GRM7: variants seen among roughly 807,000 people sequenced by gnomAD.
GRM7 encodes the protein glutamate metabotropic receptor 7.
A neutral mutation model predicts 84.5 loss-of-function variants in GRM7; 35 were observed. The ratio of observed to expected loss-of-function variants is 0.41; its 90% CI spans 0.32 to 0.55. The LOEUF (loss-of-function observed/expected upper bound fraction) is 0.55, where lower values mean the gene tolerates loss of function less well. Among genes scored for constraint, GRM7 ranks in the 20% least tolerant of loss-of-function variants. The pLI is 0.19. For synonymous variants in GRM7, 487 were observed against 455.1 expected (o/e 1.07, Z -0.89); for missense variants, 1,003 against 1,194.6 (o/e 0.84, Z 2.36).
At chr3:7,291,737 T>C (rs1699635403) in intron 2 of GRM7, among the ~76,000 whole-genome samples, 1 of 152,132 alleles carries the variant, frequency 6.6e-6, no homozygotes, top group Non-Finnish European at 1.5e-5. Flanking sequence ...TGGGACTGGA[T>C]ACCTCACCAC....
intron 4 of GRM7, among the ~76,000 whole-genome samples, chr3:7,404,313 CT>C (rs1445113793): frequency 6.6e-6 from 1 of 152,144 alleles, no homozygotes; most frequent in East Asian, 1.9e-4. Flanking sequence ...TAAAGGCTGT[CT>C]TCTAAGAAAG....
chr3:7,296,315 G>T (rs1359857514), intron 2 of GRM7, among the ~76,000 whole-genome samples: 1 of 151,930 alleles, frequency 6.6e-6, no homozygotes, highest in African/African-American at 2.4e-5. Context: ...AAGAATATTT[G>T]CAAATATGTT....
At chr3:7,383,454 T>C (rs2125132150) in intron 4 of GRM7, among the ~76,000 whole-genome samples, 1 of 152,326 alleles carries the variant, frequency 6.6e-6, no homozygotes. Context: ...TTTCATGTTA[T>C]TAGGAAATAA....
chr3:7,673,432 A>G (rs760424955), intron 8 of GRM7, among the ~76,000 whole-genome samples: 1 of 151,812 alleles, frequency 6.6e-6, no homozygotes, highest in Non-Finnish European at 1.5e-5. Flanking sequence ...TCACCTTGCC[A>G]TTCAAAAGTT....
intron 1 of GRM7, among the ~76,000 whole-genome samples, chr3:7,014,308 T>C (rs1695487574): frequency 6.6e-6 from 1 of 152,124 alleles, no homozygotes; most frequent in Admixed American, 6.5e-5. Context: ...TCAGCAAAAT[T>C]AGTAATATTT....
intron 8 of GRM7, among the ~76,000 whole-genome samples, chr3:7,602,920 T>G (rs529746539): frequency 6.6e-6 from 1 of 152,182 alleles, no homozygotes; most frequent in South Asian, 2.1e-4. Flanking sequence ...ATGAGTTGAG[T>G]TGGTAAGTTA....
At chr3:7,635,011 T>C (rs939850748) in intron 8 of GRM7, among the ~76,000 whole-genome samples, 1 of 152,168 alleles carries the variant, frequency 6.6e-6, no homozygotes, top group Admixed American at 6.5e-5. Context: ...CCCGATAGAA[T>C]TTTCTGTAAT....
chr3:7,181,202 C>T (rs59920959), intron 2 of GRM7, among the ~76,000 whole-genome samples: 2 of 152,178 alleles, frequency 1.3e-5, no homozygotes, highest in African/African-American at 2.4e-5. Flanking sequence ...TCTTTCCATA[C>T]CCAATGGCCT....
At chr3:7,371,112 CT>C in intron 4 of GRM7, among the ~76,000 whole-genome samples, 1 of 152,036 alleles carries the variant, frequency 6.6e-6, no homozygotes, top group Non-Finnish European at 1.5e-5. Flanking sequence ...ACTGCCCAGG[CT>C]ATATATTCTA....
In GRM7 at chr3:7,326,395, T is replaced by G. The variant is rs184474132; in HGVS notation, c.1033+19743T>G. 6.9e-4 allele frequency among the ~76,000 whole-genome samples: 105 copies of G among 152,248 alleles called. 2 individuals carry two copies. Among genetic ancestry groups the G allele is most frequent in the Admixed American group, 9.8e-4 (15 of 15,286 alleles). On this transcript the variant is annotated intron_variant, in intron 4 of 9. Transcript: ENST00000357716. ...AGATGGTGATGCATTACATAGCAAG[T>G]GATTATAGCATTTTTTCTTTAAAGA... is the stretch of plus-strand genomic sequence containing the variant.
chr3:6,934,115 A>G (rs1021364043), intron 1 of GRM7, among the ~76,000 whole-genome samples: 2 of 152,080 alleles, frequency 1.3e-5, no homozygotes, highest in Admixed American at 1.3e-4. Context: ...ATTCAATAAA[A>G]CCAGGGTAGA....
chr3:7,181,348 G>T (rs1363609248), intron 2 of GRM7, among the ~76,000 whole-genome samples: 1 of 151,962 alleles, frequency 6.6e-6, no homozygotes, highest in Non-Finnish European at 1.5e-5. Flanking sequence ...AGTCTGTAAG[G>T]GTTCTCTTTT....
chr3:7,169,548 T>C (rs367980122), intron 2 of GRM7, among the ~76,000 whole-genome samples: 1 of 152,222 alleles, frequency 6.6e-6, no homozygotes, highest in African/African-American at 2.4e-5. Context: ...TGTGTAATTT[T>C]ATCTGAAATG....
Position 7,273,403 on chromosome 3 carries a change from C to G in GRM7, c.737-25281C>G, listed in dbSNP as rs368843391. Among the ~76,000 whole-genome samples, 12 of 152,186 alleles carry G rather than the reference C, an allele frequency of 7.9e-5. No homozygotes were observed. In the East Asian group the frequency reaches 2.3e-3, roughly 29 times the overall value. On this transcript the variant is annotated intron_variant, in intron 2 of 9. Coordinates refer to ENST00000357716, the MANE Select transcript of GRM7 (RefSeq NM_000844.4). The stretch of plus-strand genomic sequence containing the variant: ...TTGGCATTGTTGAGTTCAACTATGT[C>G]CTCACTAATTTTCTGCCTGCTAAAT...
At chr3:7,103,543 A>G (rs756615377) in intron 1 of GRM7, among the ~76,000 whole-genome samples, 12 of 151,808 alleles carry the variant, frequency 7.9e-5, no homozygotes, top group African/African-American at 1.9e-4. Flanking sequence ...TTGCACTTAC[A>G]TGTTGCATCA....
chr3:7,069,630 T>C, intron 1 of GRM7, among the ~76,000 whole-genome samples: 1 of 152,116 alleles, frequency 6.6e-6, no homozygotes, highest in African/African-American at 2.4e-5. Flanking sequence ...AAAGTGTTCA[T>C]TGGCTTGGAT....
chr3:7,459,427 T>C (rs1037355116), intron 6 of GRM7, among the ~76,000 whole-genome samples: 1 of 152,116 alleles, frequency 6.6e-6, no homozygotes, highest in Non-Finnish European at 1.5e-5. Flanking sequence ...ATTTTCACAC[T>C]GCTGCACTGC....
chr3:6,898,605 T>C (rs1433643332), intron 1 of GRM7, among the ~76,000 whole-genome samples: 1 of 152,036 alleles, frequency 6.6e-6, no homozygotes, highest in African/African-American at 2.4e-5. Context: ...TGAACTTAAA[T>C]TGGGGGCCAA....
chr3:7,196,414 TATGC>T (rs1290834949), intron 2 of GRM7, among the ~76,000 whole-genome samples: 4 of 152,160 alleles, frequency 2.6e-5, no homozygotes, highest in African/African-American at 9.7e-5. Context: ...TACAGTGAAC[TATGC>T]CACTGCATAG....
Sources: allele counts gnomAD v4.1 joint callset (sites outside exome capture counted in the v4.1 genomes callset), GRCh38; gene constraint gnomAD v4.1.1; transcripts MANE v1.5; gene names NCBI Gene and HGNC (gene_info 2026-07-23, HGNC 2026-07-21).